Variants in NRXN1 observed in about 807,000 individuals in gnomAD.
NRXN1 encodes the protein neurexin-1.
In NRXN1, 39 loss-of-function variants were observed where a neutral mutation model predicts 150.9. The observed-to-expected ratio is 0.26, with a 90% confidence interval of 0.20 to 0.34. The LOEUF is 0.34. NRXN1 is among the 10% of genes least tolerant of loss of function. NRXN1 has a pLI of 1.00. For synonymous variants in NRXN1, 924 were observed against 757.0 expected (o/e 1.22, Z -3.62); for missense variants, 1,815 against 1,949.9 (o/e 0.93, Z 1.30).
At chr2:50,370,442 C>T (rs746288406) in intron 17 of NRXN1, among the ~76,000 whole-genome samples, 4 of 151,856 alleles carry the variant, frequency 2.6e-5, no homozygotes, top group Non-Finnish European at 5.9e-5. Flanking sequence ...AACAGGTGCT[C>T]GTAAATGTCT....
intron 2 of NRXN1, among the ~76,000 whole-genome samples, chr2:50,993,212 T>C (rs1575153961): frequency 6.6e-6 from 1 of 152,060 alleles, no homozygotes; most frequent in East Asian, 1.9e-4. Context: ...ATTCAATATT[T>C]ATATTGGAAG....
intron 19 of NRXN1, among the ~76,000 whole-genome samples, chr2:50,078,162 C>T (rs185468600): frequency 8.6e-5 from 13 of 152,046 alleles, no homozygotes; most frequent in Admixed American, 5.9e-4. Flanking sequence ...TAAGTTACAC[C>T]TTTGGATTGT....
intron 5 of NRXN1, among the ~76,000 whole-genome samples, chr2:50,675,384 C>T (rs9750037): frequency 0.031 from 4,787 of 152,174 alleles, 95 homozygotes; most frequent in East Asian, 0.086. Flanking sequence ...GAAACATAGA[C>T]AGATTTCGAG....
intron 18 of NRXN1, among the ~76,000 whole-genome samples, chr2:50,201,041 C>G (rs1434163852): frequency 6.6e-6 from 1 of 151,984 alleles, no homozygotes; most frequent in Non-Finnish European, 1.5e-5. Context: ...TGTTTAATTT[C>G]TGAGGCCAGT....
intron 5 of NRXN1, among the ~76,000 whole-genome samples, chr2:50,680,852 C>T (rs1690276021): frequency 6.6e-6 from 1 of 151,978 alleles, no homozygotes; most frequent in Non-Finnish European, 1.5e-5. Context: ...CACTGAGCAG[C>T]ATTTACAGTA....
At chr2:50,696,005 G>C (rs898470716) in intron 5 of NRXN1, among the ~76,000 whole-genome samples, 2 of 151,990 alleles carry the variant, frequency 1.3e-5, no homozygotes, top group Admixed American at 6.6e-5. Flanking sequence ...ACCATGCTTG[G>C]CTAATTTTTG....
chr2:50,992,743 T>C (rs1442672188), intron 2 of NRXN1, among the ~76,000 whole-genome samples: 1 of 152,120 alleles, frequency 6.6e-6, no homozygotes, highest in East Asian at 1.9e-4. Flanking sequence ...ACTGTCACTC[T>C]TTTTTTCACA....
intron 12 of NRXN1, among the ~76,000 whole-genome samples, chr2:50,509,663 T>C (rs2092376219): frequency 6.6e-6 from 1 of 152,140 alleles, no homozygotes; most frequent in Non-Finnish European, 1.5e-5. Context: ...AATTTGAGAG[T>C]TTGTCCTCTT....
intron 17 of NRXN1, among the ~76,000 whole-genome samples, chr2:50,319,908 C>T (rs757962447): frequency 6.6e-6 from 1 of 152,176 alleles, no homozygotes; most frequent in Middle Eastern, 3.4e-3. Context: ...AGTTCTAACT[C>T]AAGTTTCAGT....
rs1397762530 is a variant in NRXN1 at position 50,347,042 on chromosome 2, G to A, written c.3365-110072C>T. 5 of 1,378,352 alleles carry A rather than the reference G, an allele frequency of 3.6e-6. No individual in the cohort carries two copies. Among genetic ancestry groups the A allele is most frequent in the Non-Finnish European group, 4.8e-6 (5 of 1,052,254 alleles). The allele number at this position is 1,378,352 out of a possible 1,614,324, so 85.4% of individuals were successfully genotyped here. A position where few individuals can be genotyped will look rare whatever the true frequency, so the allele number is the denominator to read the frequency against. Reference sequence around the variant, plus strand: ...CGCAGGGGAGCGGGCGGCGCGGAGTGGGCTGAGGGGCCGGCCGCCTCACCG... The same window carrying A: ...CGCAGGGGAGCGGGCGGCGCGGAGTAGGCTGAGGGGCCGGCCGCCTCACCG... On this transcript the variant is annotated intron_variant, in intron 17 of 22. Transcript: ENST00000401669. This position sits in a 1 kb window ranked among gnomAD's most constrained non-coding sequence, Gnocchi z 4.9.
chr2:50,158,737 T>G (rs1469256634), intron 18 of NRXN1, among the ~76,000 whole-genome samples: 7 of 152,118 alleles, frequency 4.6e-5, no homozygotes, highest in African/African-American at 1.7e-4. Flanking sequence ...TTTTAATAAG[T>G]GCAAAACTGG....
intron 17 of NRXN1, among the ~76,000 whole-genome samples, chr2:50,345,283 C>T (rs905324102): frequency 6.6e-6 from 1 of 152,126 alleles, no homozygotes; most frequent in African/African-American, 2.4e-5. Flanking sequence ...CTTGGTCTCT[C>T]TTCAGTTAGA....
intron 2 of NRXN1, among the ~76,000 whole-genome samples, chr2:50,958,506 T>C (rs780980394): frequency 3.9e-5 from 6 of 152,204 alleles, no homozygotes; most frequent in East Asian, 1.9e-4. Flanking sequence ...AATTCATTTA[T>C]GGAGTATTTA....
At chr2:50,715,611 C>G in intron 5 of NRXN1, among the ~76,000 whole-genome samples, 1 of 152,148 alleles carries the variant, frequency 6.6e-6, no homozygotes, top group Non-Finnish European at 1.5e-5. Context: ...AAATACTTCT[C>G]ACAATGAATT....
At chr2:49,976,079 G>T (rs1678923376) in intron 21 of NRXN1, among the ~76,000 whole-genome samples, 1 of 147,656 alleles carries the variant, frequency 6.8e-6, no homozygotes, top group South Asian at 2.1e-4. Context: ...CTGGAGTGCA[G>T]TGGTGGGATC....
chr2:50,289,438 C>T (rs1393037009), intron 17 of NRXN1, among the ~76,000 whole-genome samples: 1 of 152,036 alleles, frequency 6.6e-6, no homozygotes, highest in African/African-American at 2.4e-5. Context: ...TATTATTCTC[C>T]ACAGAAATAT....
chr2:50,042,724 T>C (rs993753496), intron 21 of NRXN1, among the ~76,000 whole-genome samples: 1 of 152,006 alleles, frequency 6.6e-6, no homozygotes, highest in African/African-American at 2.4e-5. Flanking sequence ...TTTAAGATGC[T>C]TGTCAAAAAA....
At chr2:50,821,986 T>G (rs1483925381) in intron 5 of NRXN1, among the ~76,000 whole-genome samples, 1 of 152,148 alleles carries the variant, frequency 6.6e-6, no homozygotes, top group Non-Finnish European at 1.5e-5. Flanking sequence ...CACAGGTAAG[T>G]GCCAAATGTT....
rs140365229 is a variant in NRXN1 at position 50,635,823 on chromosome 2, T to C, written c.833-12208A>G. On this transcript the variant is annotated intron_variant, in intron 5 of 22. Transcript: ENST00000401669. ...AAGGGTCAGTCTTTCGGTCCTGTAG[T>C]AAATGCTGAGGAAGGTTAACTGGCC... Among the ~76,000 whole-genome samples, 468 of 152,274 alleles carry C rather than the reference T, an allele frequency of 3.1e-3. 2 individuals carry two copies. The highest frequency in any genetic ancestry group is 9.6e-3 in the African/African-American group (398 of 41,566).
Sources: allele counts gnomAD v4.1 joint callset (sites outside exome capture counted in the v4.1 genomes callset), GRCh38; gene constraint gnomAD v4.1.1; non-coding constraint Gnocchi (gnomAD v3.1); transcripts MANE v1.5; gene names NCBI Gene and HGNC (gene_info 2026-07-23, HGNC 2026-07-21).